The following ABCA12 variants were observed in gnomAD, a reference collection of about 807,000 sequenced individuals.
ABCA12 encodes the protein ATP binding cassette subfamily A member 12, also known as glucosylceramide transporter ABCA12.
Under a neutral mutation model 293.5 loss-of-function variants are expected in ABCA12, and 156 were observed. That is an observed-to-expected ratio of 0.53 (90% CI 0.47 to 0.61). The LOEUF (loss-of-function observed/expected upper bound fraction) is 0.61. Ranked by LOEUF, ABCA12 falls within the 20% of genes least tolerant of loss-of-function variation. ABCA12 has a pLI of 0.00. For missense variants in ABCA12, 2,797 were observed against 3,090.2 expected, an observed-to-expected ratio of 0.91 and a Z score of 2.25; for synonymous variants, 1,063 against 1,108.0, an observed-to-expected ratio of 0.96 and a Z score of 0.81.
intron 1 of ABCA12, among the ~76,000 whole-genome samples, chr2:215,121,782 A>T (rs1702809812): frequency 6.6e-6 from 1 of 152,064 alleles, no homozygotes; most frequent in Non-Finnish European, 1.5e-5. Flanking sequence ...GTCTCATGAG[A>T]TCTGATGGTT....
intron 2 of ABCA12, among the ~76,000 whole-genome samples, chr2:215,103,777 TG>T (rs1385513374): frequency 6.6e-6 from 1 of 152,178 alleles, no homozygotes. Context: ...ATCAAGTTTT[TG>T]TTTAGTTTAG....
chr2:215,063,548 C>G (rs972227754), intron 3 of ABCA12, among the ~76,000 whole-genome samples: 1 of 151,978 alleles, frequency 6.6e-6, no homozygotes, highest in African/African-American at 2.4e-5. Context: ...GTAGAACATG[C>G]ATTAACCTCA....
chr2:214,946,233 A>G (rs1174095902), intron 48 of ABCA12, among the ~76,000 whole-genome samples: 1 of 152,136 alleles, frequency 6.6e-6, no homozygotes, highest in Non-Finnish European at 1.5e-5. Context: ...GTAGTTAAAT[A>G]ATTTTTTAAA....
At chr2:215,119,134 C>T (rs891711838) in intron 1 of ABCA12, among the ~76,000 whole-genome samples, 1 of 152,108 alleles carries the variant, frequency 6.6e-6, no homozygotes, top group Non-Finnish European at 1.5e-5. Context: ...CCACGCCTGG[C>T]TAAGTTTTGT....
rs745333434 is a variant in ABCA12, at chr2:214,986,672, C to G, written c.4033G>C (p.Gly1345Arg). 6.2e-7 allele frequency: 1 copy of G among 1,614,010 alleles called. No homozygotes were observed. The highest frequency in any genetic ancestry group is 8.5e-7 in the Non-Finnish European group (1 of 1,179,972). Residue 1345 changes from glycine (G) to arginine (R), a missense_variant, in exon 28 of 53, where the codon GGG becomes CGG. Gly to Arg is a moderately radical substitution (Grantham distance 125). Transcript: ENST00000272895. The part of the protein sequence containing the change: ...IEPEPKDLTV[G>R]VALHGVTKIY... ...TTTGTGACCCCATGCAGGGCAACCC[C>G]GACTGTGAGATCTTTAGGTTCAGGC...
chr2:215,118,772 G>T (rs1391718199), intron 1 of ABCA12, among the ~76,000 whole-genome samples: 1 of 152,148 alleles, frequency 6.6e-6, no homozygotes, highest in African/African-American at 2.4e-5. Flanking sequence ...GTGAGGATGA[G>T]CATTCTTATA....
At chr2:214,937,443 C>T in intron 51 of ABCA12, 67 bp downstream of exon 51, 3 of 1,293,352 alleles carry the variant, frequency 2.3e-6, no homozygotes, top group East Asian at 2.4e-5. Flanking sequence ...AAGTGATTGC[C>T]CGCCTCGGAC....
intron 5 of ABCA12, 63 bp from the exon 6 acceptor site, chr2:215,049,874 T>G: frequency 6.8e-7 from 1 of 1,467,820 alleles, no homozygotes; most frequent in Non-Finnish European, 9.4e-7. Context: ...TCAAATATTC[T>G]ATTCTTCAAG....
At chr2:214,964,526 A>G (rs1699206112) in intron 39 of ABCA12, among the ~76,000 whole-genome samples, 1 of 152,212 alleles carries the variant, frequency 6.6e-6, no homozygotes, top group Non-Finnish European at 1.5e-5. Flanking sequence ...CAGCTTCAGC[A>G]AAATCTCAGG....
At chr2:214,953,801 G>A in intron 44 of ABCA12, 53 bp downstream of exon 44, 1 of 1,592,620 alleles carries the variant, frequency 6.3e-7, no homozygotes, top group South Asian at 1.1e-5. Flanking sequence ...TTCTCAATAG[G>A]TTGAATTGAG....
intron 3 of ABCA12, among the ~76,000 whole-genome samples, chr2:215,054,966 T>C (rs963131656): frequency 7.9e-5 from 12 of 152,140 alleles, no homozygotes; most frequent in Non-Finnish European, 1.8e-4. Context: ...ATGTATGATA[T>C]ATATTTTTCT....
At chr2:214,972,612 T>C (rs991466259) in intron 36 of ABCA12, among the ~76,000 whole-genome samples, 3 of 152,078 alleles carry the variant, frequency 2.0e-5, no homozygotes, top group Admixed American at 6.6e-5. Flanking sequence ...CTCACTGTGT[T>C]GCCCAAGCTG....
At chr2:215,110,894 CTCTTT>C (rs1457418189) in intron 2 of ABCA12, among the ~76,000 whole-genome samples, 1 of 152,174 alleles carries the variant, frequency 6.6e-6, no homozygotes, top group Non-Finnish European at 1.5e-5. Flanking sequence ...ACTTTTCCTC[CTCTTT>C]TAAGAAAACT....
At position 215,047,973 on chromosome 2, in the gene ABCA12, A is replaced by AG. The variant is rs200816265; in HGVS notation, c.693+1652dup. On this transcript the variant is annotated intron_variant, in intron 6 of 52. Coordinates refer to ENST00000272895, the MANE Select transcript of ABCA12 (RefSeq NM_173076.3). ...TATAAGGAAGTTCAACAAATTTACA[A>AG]GAAAAAAAAAAAACTCCACTAAAAA... Among the ~76,000 whole-genome samples, 418 of 139,658 alleles carry AG rather than the reference A, an allele frequency of 3.0e-3. 5 individuals carry two copies. The highest frequency in any genetic ancestry group is 0.013 in the African/African-American group (385 of 30,614). 91.6% of individuals were successfully genotyped at this position (139,658 alleles called of 152,430 possible). A position where few individuals can be genotyped will look rare whatever the true frequency, so the allele number is the denominator to read the frequency against.
At chr2:214,972,961 G>A (rs974257713) in intron 36 of ABCA12, among the ~76,000 whole-genome samples, 7 of 151,992 alleles carry the variant, frequency 4.6e-5, no homozygotes, top group East Asian at 1.9e-4. Flanking sequence ...CCACAGACGC[G>A]TGTCACCATG....
chr2:215,042,860 C>T lies in ABCA12; in HGVS notation c.872+2977G>A, dbSNP rs138488455. On this transcript the variant is annotated intron_variant, in intron 7 of 52. Transcript: ENST00000272895. ...AACCTTCCCTCATCCTCCCCTTTCACCCAACCTCTGGTAATCATTATTCTA... is the reference window on the plus strand; with the variant it reads ...AACCTTCCCTCATCCTCCCCTTTCATCCAACCTCTGGTAATCATTATTCTA... Among the ~76,000 whole-genome samples, 124 of 152,276 alleles carry T rather than the reference C, an allele frequency of 8.1e-4. 1 individual carries two copies. The highest frequency in any genetic ancestry group is 2.6e-3 in the African/African-American group (108 of 41,556).
chr2:214,970,871 T>C (rs943663252), intron 36 of ABCA12, among the ~76,000 whole-genome samples: 1 of 152,066 alleles, frequency 6.6e-6, no homozygotes, highest in Non-Finnish European at 1.5e-5. Context: ...AGACTCAGCT[T>C]AGTTATATGT....
At chr2:215,110,816 T>C (rs1702557629) in intron 2 of ABCA12, among the ~76,000 whole-genome samples, 1 of 152,246 alleles carries the variant, frequency 6.6e-6, no homozygotes. Context: ...ATCTAATTTA[T>C]AGAAATTTGA....
At chr2:214,979,076 C>T (rs1252668514) in intron 31 of ABCA12, 36 bp from the exon 32 acceptor site, 1 of 1,570,200 alleles carries the variant, frequency 6.4e-7, no homozygotes, top group East Asian at 2.2e-5. Context: ...ACACTCTCCT[C>T]TCTTTACACT....
Sources: allele counts gnomAD v4.1 joint callset (sites outside exome capture counted in the v4.1 genomes callset), GRCh38; gene constraint gnomAD v4.1.1; transcripts MANE v1.5; gene names NCBI Gene and HGNC (gene_info 2026-07-23, HGNC 2026-07-21).